Variants in SEMA3A observed in about 807,000 individuals in gnomAD.
The protein encoded by SEMA3A is semaphorin-3A.
SEMA3A carries 29 observed loss-of-function variants against 97.9 expected under a neutral mutation model. The observed-to-expected ratio is 0.30, with a 90% CI of 0.22 to 0.40. The LOEUF is 0.40. Ranked by LOEUF, SEMA3A falls within the 10% of genes least tolerant of loss-of-function variation. The probability of loss-of-function intolerance (pLI) is 1.00; values close to 1 mark genes in which losing one functional copy is unlikely to be tolerated. For missense variants in SEMA3A, 763 were observed against 951.3 expected (o/e 0.80, Z 2.60); for synonymous variants, 321 against 323.7 (o/e 0.99, Z 0.09).
At chr7:84,153,887 C>G (rs536539445) in intron 1 of SEMA3A, among the ~76,000 whole-genome samples, 152 of 152,110 alleles carry the variant, frequency 1.0e-3, no homozygotes, top group Non-Finnish European at 1.7e-3. Context: ...TCACCCGTTT[C>G]TTTGCTTGAA....
chr7:84,385,690 T>G (rs115548428), intron 1 of SEMA3A, among the ~76,000 whole-genome samples: 172 of 152,346 alleles, frequency 1.1e-3, no homozygotes, highest in African/African-American at 3.8e-3. Context: ...CTCTGAGTTG[T>G]TATACCAAAT....
In SEMA3A at chr7:83,956,616, A is replaced by G. The variant is rs1216935484; in HGVS notation, c.*4755T>C. 3.9e-5 allele frequency: 6 copies of G among 152,126 alleles called. No homozygotes were observed. Among genetic ancestry groups the G allele is most frequent in the Admixed American group, 3.9e-4 (6 of 15,262 alleles). 9.4% of individuals were successfully genotyped at this position (152,126 alleles called of 1,614,324 possible). On this transcript the variant is annotated 3_prime_UTR_variant, in exon 17 of 17. Transcript: ENST00000265362. ...TGACATATGACAGTCTGTGCCAAGG[A>G]TGCGAATGTGGGGTACAAACAGAGG...
chr7:84,407,663 C>A (rs1243957659), intron 1 of SEMA3A, among the ~76,000 whole-genome samples: 1 of 151,832 alleles, frequency 6.6e-6, no homozygotes, highest in African/African-American at 2.4e-5. Context: ...GCTACAGTAA[C>A]CAAAACAGCA....
At chr7:84,016,548 A>G (rs948628817) in intron 6 of SEMA3A, among the ~76,000 whole-genome samples, 1 of 151,816 alleles carries the variant, frequency 6.6e-6, no homozygotes, top group Non-Finnish European at 1.5e-5. Flanking sequence ...AAAAAAAAAA[A>G]AAAGAAAAAA....
intron 1 of SEMA3A, among the ~76,000 whole-genome samples, chr7:84,138,816 C>T (rs1396277013): frequency 6.6e-6 from 1 of 152,046 alleles, no homozygotes; most frequent in Non-Finnish European, 1.5e-5. Context: ...AATACAAATT[C>T]TGGATTGCTT....
At chr7:84,086,987 A>T (rs1352116918) in intron 4 of SEMA3A, among the ~76,000 whole-genome samples, 1 of 152,136 alleles carries the variant, frequency 6.6e-6, no homozygotes, top group Non-Finnish European at 1.5e-5. Flanking sequence ...GCTTAATCCC[A>T]GTCATCAAAT....
Position 84,414,405 on chromosome 7 carries a change from A to C in SEMA3A, c.-245-42505T>G, listed in dbSNP as rs558246019. The stretch of plus-strand genomic sequence containing the variant: ...TAATTGGCTAAAAGTAAAAAAAAAA[A>C]AAAAACAGTATTGTTATGTAGCCTC... On this transcript the variant is annotated intron_variant, in intron 1 of 3. Coordinates refer to the SEMA3A transcript ENST00000424555. Among the ~76,000 whole-genome samples the C allele has an allele frequency of 9.2e-5, 14 of 152,084 alleles. No homozygotes were observed. In the East Asian group the frequency reaches 9.6e-4, roughly 10 times the overall value.
At chr7:84,374,957 G>GT (rs768190313) in intron 1 of SEMA3A, among the ~76,000 whole-genome samples, 3 of 152,136 alleles carry the variant, frequency 2.0e-5, no homozygotes, top group Admixed American at 6.6e-5. Context: ...GAGGAGACGT[G>GT]TATGTTTGAA....
intron 1 of SEMA3A, among the ~76,000 whole-genome samples, chr7:84,448,087 G>A (rs114854856): frequency 0.016 from 2,427 of 152,230 alleles, 68 homozygotes; most frequent in African/African-American, 0.055. Flanking sequence ...ACCCTTCGTC[G>A]CTCCCTGCCT....
chr7:83,973,032 T>C (rs1034184233), intron 15 of SEMA3A, among the ~76,000 whole-genome samples: 5 of 152,134 alleles, frequency 3.3e-5, no homozygotes, highest in African/African-American at 1.2e-4. Flanking sequence ...TGTCTTACAA[T>C]TGTTCTTGAT....
At position 84,472,777 on chromosome 7, in the gene SEMA3A, C is replaced by A. The variant is rs1584349195; in HGVS notation, c.-246+19683G>T. ...TCAGAAGAACATAATCCCACTAAACCAAATCGATCCATATAATCATATCAA... is the reference window on the plus strand; with the variant it reads ...TCAGAAGAACATAATCCCACTAAACAAAATCGATCCATATAATCATATCAA... On this transcript the variant is annotated intron_variant, in intron 1 of 3. Transcript: ENST00000424555. Among the ~76,000 whole-genome samples the A allele has an allele frequency of 2.6e-5, 4 of 152,150 alleles. No individual in the cohort carries two copies. The South Asian group carries it at 8.3e-4, about 32-fold the overall frequency.
chr7:84,164,037 G>T (rs1797130046), intron 1 of SEMA3A, among the ~76,000 whole-genome samples: 1 of 151,870 alleles, frequency 6.6e-6, no homozygotes, highest in African/African-American at 2.4e-5. Context: ...TAGAGACAGG[G>T]TTTCTCCATG....
chr7:84,144,260 A>G (rs1428628555), intron 1 of SEMA3A, among the ~76,000 whole-genome samples: 2 of 152,140 alleles, frequency 1.3e-5, no homozygotes, highest in Non-Finnish European at 2.9e-5. Context: ...CATAGGCTGC[A>G]AATTCCTCCA....
Position 84,069,569 on chromosome 7 carries a change from C to A in SEMA3A, c.454-9011G>T, listed in dbSNP as rs1025057377. 2.6e-5 allele frequency among the ~76,000 whole-genome samples: 4 copies of A among 151,984 alleles called. No individual in the cohort carries two copies. In the East Asian group the frequency reaches 7.7e-4, roughly 29 times the overall value. On this transcript the variant is annotated intron_variant, in intron 4 of 16. Transcript: ENST00000265362. ...GACCTTTCACAATGCATTGAAAATT[C>A]TTTCTTATAGGTAGATGAGAAGATA... is the stretch of plus-strand genomic sequence containing the variant.
At chr7:84,131,601 C>T (rs1357646698) in intron 2 of SEMA3A, among the ~76,000 whole-genome samples, 1 of 152,072 alleles carries the variant, frequency 6.6e-6, no homozygotes, top group Non-Finnish European at 1.5e-5. Context: ...CATAAGATTA[C>T]TATTTTATCT....
intron 3 of SEMA3A, among the ~76,000 whole-genome samples, chr7:84,224,979 C>T (rs146186861): frequency 6.6e-6 from 1 of 151,960 alleles, no homozygotes; most frequent in Non-Finnish European, 1.5e-5. Context: ...TGTAATGGAA[C>T]TCTATGTCAT....
intron 6 of SEMA3A, among the ~76,000 whole-genome samples, chr7:84,023,145 T>C (rs1199310391): frequency 6.6e-6 from 1 of 152,184 alleles, no homozygotes; most frequent in Non-Finnish European, 1.5e-5. Flanking sequence ...AATTAAACTG[T>C]CCTTCAGGTG....
intron 4 of SEMA3A, among the ~76,000 whole-genome samples, chr7:84,104,161 A>C (rs1795038933): frequency 6.6e-6 from 1 of 152,160 alleles, no homozygotes; most frequent in African/African-American, 2.4e-5. Flanking sequence ...TGAATCAAGA[A>C]GTCATTCAAA....
chr7:84,428,495 C>T (rs1804884614), intron 1 of SEMA3A, among the ~76,000 whole-genome samples: 1 of 151,996 alleles, frequency 6.6e-6, no homozygotes, highest in South Asian at 2.1e-4. Context: ...GTACTACATT[C>T]ATTCTACTCT....
Sources: gnomAD v4.1 joint callset for allele counts (sites outside exome capture counted in the v4.1 genomes callset) on GRCh38, gnomAD v4.1.1 for gene constraint, MANE v1.5 for transcripts, NCBI Gene and HGNC (gene_info 2026-07-23, HGNC 2026-07-21) for gene names.